Variants in PRG4 observed in about 807,000 individuals in gnomAD.
PRG4 encodes articular superficial zone protein.
PRG4 carries 61 observed loss-of-function variants against 91.2 expected under a neutral mutation model. The observed-to-expected ratio is 0.67, with a 90% CI of 0.54 to 0.83. The LOEUF is 0.83. Among genes scored for constraint, PRG4 ranks in the 40% least tolerant of loss-of-function variants. The probability of loss-of-function intolerance (pLI) is 0.00; values close to 1 mark genes in which losing one functional copy is unlikely to be tolerated. For missense variants in PRG4, 1,564 were observed against 1,714.2 expected (o/e 0.91, Z 1.55); for synonymous variants, 576 against 614.2 (o/e 0.94, Z 0.92).
intron 12 of PRG4, chr1:186,313,130 G>A (rs1177923330): frequency 9.5e-6 from 5 of 526,268 alleles, no homozygotes; most frequent in Non-Finnish European, 1.7e-5. Flanking sequence ...CCAGTTACTA[G>A]AGTAAACTTG....
rs1403474030 is a variant in PRG4, at chr1:186,296,837, T to C, written c.-30-9T>C. 4.0e-6 allele frequency: 6 copies of C among 1,508,500 alleles called. No individual in the cohort carries two copies. The highest frequency in any genetic ancestry group is 5.5e-6 in the Non-Finnish European group (6 of 1,084,570). 93.4% of individuals were successfully genotyped at this position (1,508,500 alleles called of 1,614,324 possible). A position where few individuals can be genotyped will look rare whatever the true frequency, so the allele number is the denominator to read the frequency against. On this transcript the variant is annotated splice_polypyrimidine_tract_variant and intron_variant, in intron 1 of 12. Transcript: ENST00000445192. The stretch of plus-strand genomic sequence containing the variant: ...GAGCTGTTTTCTGATACTTTTATTT[T>C]ATTTTCAGCAAGGGTACCTACGGTA...
At position 186,307,386 on chromosome 1, in the gene PRG4, C is replaced by A. The variant is rs749145049; in HGVS notation, c.1667C>A (p.Thr556Asn). ...PTTPKEPSPTTTKEPAPTTPK... is the reference protein window; with the variant it reads ...PTTPKEPSPTNTKEPAPTTPK... ...ACTCCCAAGGAGCCTTCACCCACCA[C>A]CACCAAGGAGCCTGCACCCACCACT... Residue 556 changes from threonine (T) to asparagine (N), a missense_variant, in exon 7 of 13, where the codon ACC (threonine) becomes AAC (asparagine). Thr to Asn is a moderately conservative substitution (Grantham distance 65). This residue lies in a region of PRG4 where 1,079 missense variants were observed against 1,162.2 expected (regional missense o/e 0.93). Coordinates refer to ENST00000445192, the MANE Select transcript of PRG4 (RefSeq NM_005807.6). The A allele has an allele frequency of 1.2e-6, 2 of 1,604,668 alleles. No individual in the cohort carries two copies. Among genetic ancestry groups the A allele is most frequent in the African/African-American group, 2.8e-5 (2 of 71,634 alleles).
rs576394303 is a variant in PRG4 at position 186,309,096 on chromosome 1, C to T, written c.3377C>T (p.Pro1126Leu). Residue 1126 changes from proline to leucine, a missense_variant, in exon 7 of 13, where the codon CCG (proline) becomes CTG (leucine). Transcript: ENST00000445192. Reference sequence around the variant, plus strand: ...GTTACTCCCGACATGGATTACTTACCGAGAGTACCCAATCAAGGCATTATC... The same window carrying T: ...GTTACTCCCGACATGGATTACTTACTGAGAGTACCCAATCAAGGCATTATC... The part of the protein sequence containing the change: ...PEVTPDMDYL[P>L]RVPNQGIIIN... The T allele has an allele frequency of 1.3e-5, 21 of 1,613,766 alleles. No individual in the cohort carries two copies. The highest frequency in any genetic ancestry group is 3.3e-5 in the Admixed American group (2 of 59,996).
Position 186,308,916 on chromosome 1 carries a change from CAAG to C in PRG4, c.3200_3202del (p.Arg1067del), listed in dbSNP as rs1294801661. 6.2e-7 allele frequency: 1 copy of C among 1,612,710 alleles called. No homozygotes were observed. Among genetic ancestry groups the C allele is most frequent in the Non-Finnish European group, 8.5e-7 (1 of 1,179,584 alleles). On this transcript the variant is annotated inframe_deletion, in exon 7 of 13. Coordinates refer to ENST00000445192, the MANE Select transcript of PRG4 (RefSeq NM_005807.6). ...ACAATGCCAGAATTGAACCCTACCT[CAAG>C]AATAGCAGAAGCCATGCTCCAAACC...
chr1:186,306,283 A>G, intron 6 of PRG4, 35 bp from the exon 7 acceptor site: 3 of 1,489,884 alleles, frequency 2.0e-6, no homozygotes, highest in Non-Finnish European at 2.7e-6. Context: ...AAAAAAAAAT[A>G]TTCTAAAATA....
intron 10 of PRG4, chr1:186,311,848 T>A (rs1400836575): frequency 1.7e-6 from 1 of 573,784 alleles, no homozygotes; most frequent in Non-Finnish European, 3.1e-6. Context: ...GCTTCACAAA[T>A]GTGCATGTCA....
intron 3 of PRG4, 116 bp downstream of exon 3, chr1:186,300,329 T>A: frequency 7.3e-7 from 1 of 1,375,506 alleles, no homozygotes; most frequent in Non-Finnish European, 1.0e-6. Flanking sequence ...CCACTTGCAG[T>A]GCTGTTTTCC....
At chr1:186,296,567 T>C (rs891062731) in intron 1 of PRG4, among the ~76,000 whole-genome samples, 3 of 152,240 alleles carry the variant, frequency 2.0e-5, no homozygotes, top group Non-Finnish European at 4.4e-5. Flanking sequence ...TGCCATACTT[T>C]GGCTAGAGTT....
rs1239376869 is a variant in PRG4, at chr1:186,308,490, T to A, written c.2771T>A (p.Leu924Ter). ...TAKDKTTERD[L>*]RTTPETTTAA... Reference sequence around the variant, plus strand: ...AAAGACAAGACAACAGAAAGAGACTTACGTACTACACCTGAAACTACAACT... The same window carrying A: ...AAAGACAAGACAACAGAAAGAGACTAACGTACTACACCTGAAACTACAACT... The change falls in exon 7 of 13, where the codon TTA (leucine) becomes TAA (stop). Residue 924 changes from leucine (L) to a stop codon, truncating the protein, a stop_gained. Coordinates refer to ENST00000445192, the MANE Select transcript of PRG4 (RefSeq NM_005807.6). LOFTEE classifies it high-confidence loss of function. 8.1e-6 allele frequency: 13 copies of A among 1,613,684 alleles called. No homozygotes were observed. The highest frequency in any genetic ancestry group is 1.3e-5 in the African/African-American group (1 of 74,900).
At chr1:186,303,979 G>A in intron 4 of PRG4, 129 bp from the exon 5 acceptor site, 1 of 942,516 alleles carries the variant, frequency 1.1e-6, no homozygotes, top group East Asian at 2.5e-5. Context: ...TTCGTGTTGA[G>A]CTGGAGCCTG....
At position 186,307,530 on chromosome 1, in the gene PRG4, C is replaced by G; in HGVS notation, c.1811C>G (p.Thr604Ser). Reference sequence around the variant, plus strand: ...ACCACCAAGAAGCCTGCACCCACCACTCCCAAAGAGCCTGCCCCAACTACC... The same window carrying G: ...ACCACCAAGAAGCCTGCACCCACCAGTCCCAAAGAGCCTGCCCCAACTACC... ...PTTTKKPAPT[T>S]PKEPAPTTPK... The change falls in exon 7 of 13, where the codon ACT becomes AGT. Residue 604 changes from threonine to serine, a missense_variant. Around this residue, in one of 3 missense-constraint regions of PRG4, gnomAD observed 1,079 missense variants for 1,162.2 expected, o/e 0.93. Transcript: ENST00000445192. The G allele has an allele frequency of 6.3e-7, 1 of 1,575,454 alleles. No individual in the cohort carries two copies. The highest frequency in any genetic ancestry group is 8.7e-7 in the Non-Finnish European group (1 of 1,151,276).
Position 186,307,731 on chromosome 1 carries a change from C to A in PRG4, c.2012C>A (p.Ala671Glu). ...GAGCCTGCTCCCACCACTCCCAAGGCAGCGGCTCCCAACACCCCTAAGGAG... is the reference window on the plus strand; with the variant it reads ...GAGCCTGCTCCCACCACTCCCAAGGAAGCGGCTCCCAACACCCCTAAGGAG... Reference protein sequence around the residue: ...PEEPAPTTPKAAAPNTPKEPA... With the variant: ...PEEPAPTTPKEAAPNTPKEPA... Residue 671 changes from alanine to glutamate, a missense_variant, in exon 7 of 13, where the codon GCA becomes GAA. By Grantham distance (107) the Ala-to-Glu change is moderately radical. Coordinates refer to ENST00000445192, the MANE Select transcript of PRG4 (RefSeq NM_005807.6). 1 of 1,595,482 alleles carries A rather than the reference C, an allele frequency of 6.3e-7. No individual in the cohort carries two copies. The highest frequency in any genetic ancestry group is 8.5e-7 in the Non-Finnish European group (1 of 1,173,286).
intron 6 of PRG4, 148 bp downstream of exon 6, chr1:186,305,070 A>T: frequency 1.0e-6 from 1 of 976,490 alleles, no homozygotes; most frequent in Non-Finnish European, 1.5e-6. Context: ...GTACCAAATG[A>T]ATACTTCCTA....
At chr1:186,304,475 TA>T (rs1304747277) in intron 5 of PRG4, among the ~76,000 whole-genome samples, 1 of 152,172 alleles carries the variant, frequency 6.6e-6, no homozygotes, top group African/African-American at 2.4e-5. Flanking sequence ...GAGTCTGGGT[TA>T]AAACAAATCA....
rs1221004006 is a variant in PRG4, at chr1:186,313,955, A to G, written c.*177A>G. On this transcript the variant is annotated 3_prime_UTR_variant, in exon 13 of 13. Transcript: ENST00000445192. The stretch of plus-strand genomic sequence containing the variant: ...TTTGATAATCTTATTCACAGTTGTT[A>G]TTGTTTACAGACCATTTAATTAATA... 6.2e-7 allele frequency: 1 copy of G among 1,610,006 alleles called. No individual in the cohort carries two copies. The highest frequency in any genetic ancestry group is 1.7e-4 in the Middle Eastern group (1 of 6,048).
At chr1:186,304,769 A>C (rs1656439437) in intron 5 of PRG4, 25 bp from the exon 6 acceptor site, 1 of 1,605,966 alleles carries the variant, frequency 6.2e-7, no homozygotes, top group African/African-American at 1.3e-5. Context: ...AGTTGGTGTG[A>C]TCAAACTTTC....
intron 3 of PRG4, among the ~76,000 whole-genome samples, chr1:186,301,078 C>T (rs1169722333): frequency 1.3e-5 from 2 of 152,124 alleles, no homozygotes; most frequent in Non-Finnish European, 2.9e-5. Context: ...CAACTATACA[C>T]CTTCCCCAGT....
At chr1:186,313,338 T>A (rs1317572108) in intron 12 of PRG4, 2 of 318,556 alleles carry the variant, frequency 6.3e-6, no homozygotes, top group Non-Finnish European at 1.2e-5. Context: ...TTATTCTGCC[T>A]GTAATTTCAT....
At chr1:186,301,921 A>G (rs547081525) in intron 4 of PRG4, among the ~76,000 whole-genome samples, 153 of 152,350 alleles carry the variant, frequency 1.0e-3, no homozygotes, top group African/African-American at 3.3e-3. Context: ...GCCAGGCTCC[A>G]AGAGTACAAG....
Sources: gnomAD v4.1 joint callset for allele counts (sites outside exome capture counted in the v4.1 genomes callset) on GRCh38, gnomAD v4.1.1 for gene constraint, gnomAD v4.1.1 regional missense constraint, MANE v1.5 for transcripts, NCBI Gene and HGNC (gene_info 2026-07-23, HGNC 2026-07-21) for gene names.